PRRC2B: variants seen among roughly 807,000 people sequenced by gnomAD.
PRRC2B encodes proline rich coiled-coil 2B, also known as protein PRRC2B.
A neutral mutation model predicts 242.3 loss-of-function variants in PRRC2B; 68 were observed. The observed-to-expected ratio is 0.28, with a 90% CI of 0.23 to 0.34. PRRC2B has a LOEUF of 0.34. Ranked by LOEUF, PRRC2B falls within the 10% of genes least tolerant of loss-of-function variation. PRRC2B has a pLI of 1.00. For missense variants in PRRC2B, 2,835 were observed against 2,954.8 expected (o/e 0.96, Z 0.94); for synonymous variants, 1,228 against 1,173.6 (o/e 1.05, Z -0.95).
At chr9:131,443,321 A>G (rs1453787671) in intron 5 of PRRC2B, among the ~76,000 whole-genome samples, 2 of 147,194 alleles carry the variant, frequency 1.4e-5, no homozygotes, top group African/African-American at 5.0e-5. Context: ...TATTTTTAGT[A>G]TAGATGGGGT....
In PRRC2B at chr9:131,494,570, A is replaced by G; in HGVS notation, c.6555+84A>G. On this transcript the variant is annotated intron_variant, in intron 31 of 31. Transcript: ENST00000683519. The surrounding 1 kb of genome is among the most constrained non-coding windows in gnomAD (Gnocchi z 4.3). The stretch of plus-strand genomic sequence containing the variant: ...CAAAAGAGAAGGGACTGTCCAACCT[A>G]TCTGAGCGCCCCCTGTCTAAAGACA... The G allele has an allele frequency of 2.7e-6, 2 of 735,858 alleles. No homozygotes were observed. The highest frequency in any genetic ancestry group is 3.5e-5 in the South Asian group (2 of 57,422). 45.6% of individuals were successfully genotyped at this position (735,858 alleles called of 1,614,324 possible).
chr9:131,475,086 A>G lies in PRRC2B; in HGVS notation c.2957A>G (p.Asp986Gly). 6.2e-7 allele frequency: 1 copy of G among 1,611,318 alleles called. No homozygotes were observed. Among genetic ancestry groups the G allele is most frequent in the Non-Finnish European group, 8.5e-7 (1 of 1,178,762 alleles). The stretch of plus-strand genomic sequence containing the variant: ...GAGCAGAGCCCCACGGCAGAAAAGG[A>G]TGAGGACGAAGAGAACGATGCCTCT... Reference protein sequence around the residue: ...EKEQSPTAEKDEDEENDASLA... With the variant: ...EKEQSPTAEKGEDEENDASLA... The change falls in exon 16 of 32, where the codon GAT (aspartate) becomes GGT (glycine). Residue 986 changes from aspartate to glycine, a missense_variant. Around this residue, in one of 7 missense-constraint regions of PRRC2B, gnomAD observed 1,536 missense variants for 1,483.1 expected, o/e 1.04. Transcript: ENST00000683519.
At chr9:131,471,904 TC>T (rs1943557912) in intron 14 of PRRC2B, among the ~76,000 whole-genome samples, 1 of 152,246 alleles carries the variant, frequency 6.6e-6, no homozygotes, top group Admixed American at 6.5e-5. Context: ...CAAGTTTTTA[TC>T]CCTTTGACCA....
chr9:131,413,111 T>G (rs1837548092), intron 1 of PRRC2B, among the ~76,000 whole-genome samples: 4 of 152,234 alleles, frequency 2.6e-5, no homozygotes, highest in Admixed American at 2.6e-4. Flanking sequence ...GCTCCTACAA[T>G]TTAGCCTGAA....
chr9:131,494,265 A>C lies in PRRC2B; in HGVS notation c.6474-140A>C. The C allele has an allele frequency of 8.4e-6, 5 of 597,484 alleles. No homozygotes were observed. Among genetic ancestry groups the C allele is most frequent in the Non-Finnish European group, 1.2e-5 (4 of 334,014 alleles). The allele number at this position is 597,484 out of a possible 1,614,324, so 37.0% of individuals were successfully genotyped here. ...TAGGTCTGTGGTTGTTTTCCATCCA[A>C]GAGATCCACGGACCGTCCCGAGTGA... On this transcript the variant is annotated intron_variant, in intron 30 of 31. Transcript: ENST00000683519. The surrounding 1 kb of genome is among the most constrained non-coding windows in gnomAD (Gnocchi z 4.3).
At chr9:131,470,103 G>T (rs756129370) in intron 13 of PRRC2B, among the ~76,000 whole-genome samples, 1 of 152,168 alleles carries the variant, frequency 6.6e-6, no homozygotes, top group Middle Eastern at 3.2e-3. Flanking sequence ...GTGTGTTCCC[G>T]TGGCCTGAAG....
chr9:131,403,208 C>T (rs962991673), intron 1 of PRRC2B, among the ~76,000 whole-genome samples: 1 of 152,110 alleles, frequency 6.6e-6, no homozygotes, highest in African/African-American at 2.4e-5. Context: ...ACCGACCTGT[C>T]GGTGGACTGA....
chr9:131,435,613 TAAAAAAAAA>T (rs66831387), intron 3 of PRRC2B, among the ~76,000 whole-genome samples: 5 of 147,012 alleles, frequency 3.4e-5, no homozygotes, highest in South Asian at 2.1e-4. Flanking sequence ...AGACTCCATC[TAAAAAAAAA>T]AAAAAAAAAA....
upstream of PRRC2B, among the ~76,000 whole-genome samples, chr9:131,390,673 G>C (rs1367174877): frequency 6.7e-6 from 1 of 149,722 alleles, no homozygotes; most frequent in East Asian, 2.0e-4. Context: ...TAGTAGAGAT[G>C]GGGTTTCACC....
chr9:131,486,018 C>A, intron 25 of PRRC2B, 67 bp from the exon 26 acceptor site: 1 of 1,100,174 alleles, frequency 9.1e-7, no homozygotes, highest in Non-Finnish European at 1.4e-6. Context: ...GACTGTTTCC[C>A]TCAGGGACAT....
chr9:131,494,256 T>C lies in PRRC2B; in HGVS notation c.6474-149T>C, dbSNP rs1395677098. 11 of 595,628 alleles carry C rather than the reference T, an allele frequency of 1.8e-5. No individual in the cohort carries two copies. The highest frequency in any genetic ancestry group is 3.0e-5 in the Admixed American group (1 of 33,304). 36.9% of individuals were successfully genotyped at this position (595,628 alleles called of 1,614,324 possible). A position where few individuals can be genotyped will look rare whatever the true frequency, so the allele number is the denominator to read the frequency against. ...GGGCTGTCTTAGGTCTGTGGTTGTT[T>C]TCCATCCAAGAGATCCACGGACCGT... On this transcript the variant is annotated intron_variant, in intron 30 of 31. Coordinates refer to ENST00000683519, the MANE Select transcript of PRRC2B (RefSeq NM_013318.4). This position sits in a 1 kb window ranked among gnomAD's most constrained non-coding sequence, Gnocchi z 4.3.
chr9:131,443,034 A>C (rs1838654377), intron 5 of PRRC2B, among the ~76,000 whole-genome samples: 1 of 149,554 alleles, frequency 6.7e-6, no homozygotes. Context: ...ATGAGGAGTT[A>C]CTCATGTGTA....
chr9:131,473,844 G>C (rs189529653), intron 15 of PRRC2B, 120 bp downstream of exon 15: 2 of 699,074 alleles, frequency 2.9e-6, no homozygotes, highest in East Asian at 5.4e-5. Context: ...CGTGCTCCTT[G>C]AAGGGACTCC....
At position 131,482,958 on chromosome 9, in the gene PRRC2B, T is replaced by TA; in HGVS notation, c.5373+52dup. On this transcript the variant is annotated intron_variant, in intron 22 of 31. Coordinates refer to ENST00000683519, the MANE Select transcript of PRRC2B (RefSeq NM_013318.4). This position sits in a 1 kb window ranked among gnomAD's most constrained non-coding sequence, Gnocchi z 5.2. ...TTGCTTTTTTTACTTTTTATTTTGG[T>TA]ACTTGGAGAGGCTGGGGGCTCAGAT... 1 of 1,548,946 alleles carries TA rather than the reference T, an allele frequency of 6.5e-7. No homozygotes were observed.
At position 131,479,353 on chromosome 9, in the gene PRRC2B, C is replaced by T; in HGVS notation, c.4860C>T (p.Gly1620=). ...AGCAAGGTGACGTGACCGTGCCTGG[C>T]AGCAGCCTGGGCACTGAGATCTGGG... ...CLEQGDVTVP[G]SSLGTEIWES... The change falls in exon 19 of 32, where the codon GGC becomes GGT. Residue 1620 remains glycine, a synonymous_variant. Coordinates refer to ENST00000683519, the MANE Select transcript of PRRC2B (RefSeq NM_013318.4). The T allele has an allele frequency of 1.2e-6, 2 of 1,613,896 alleles. No homozygotes were observed. Among genetic ancestry groups the T allele is most frequent in the Non-Finnish European group, 1.7e-6 (2 of 1,179,834 alleles).
chr9:131,394,444 C>CT (rs1265652631), intron 1 of PRRC2B, among the ~76,000 whole-genome samples, 181 bp downstream of exon 1: 1 of 146,306 alleles, frequency 6.8e-6, no homozygotes, highest in African/African-American at 2.5e-5. Context: ...GGGCGCGGGG[C>CT]TGCGGGGCTG....
chr9:131,484,983 C>T lies in PRRC2B; in HGVS notation c.5601C>T (p.Pro1867=). The change falls in exon 25 of 32, where the codon CCC becomes CCT. Residue 1867 remains proline (P), a synonymous_variant. Transcript: ENST00000683519. ...ESARKAWENS[P]SLPEQSSPGG... The stretch of plus-strand genomic sequence containing the variant: ...CGCGCAAGGCTTGGGAAAACTCCCC[C>T]AGTTTGCCGGAGCAGAGCTCTCCAG... 6.2e-7 allele frequency: 1 copy of T among 1,613,464 alleles called. No individual in the cohort carries two copies. Among genetic ancestry groups the T allele is most frequent in the Non-Finnish European group, 8.5e-7 (1 of 1,179,586 alleles).
intron 10 of PRRC2B, among the ~76,000 whole-genome samples, chr9:131,457,502 G>T (rs1359585981): frequency 1.3e-5 from 2 of 152,148 alleles, no homozygotes; most frequent in African/African-American, 4.8e-5. Context: ...TTTTCTTCAT[G>T]TTCTCTGAGC....
chr9:131,476,398 T>G lies in PRRC2B; in HGVS notation c.4269T>G (p.Ser1423Arg), dbSNP rs941536471. 6.2e-7 allele frequency: 1 copy of G among 1,607,338 alleles called. No homozygotes were observed. Among genetic ancestry groups the G allele is most frequent in the Non-Finnish European group, 8.5e-7 (1 of 1,176,914 alleles). ...KKELAKRSFS[S>R]QRPVVDRQSR... is the part of the protein sequence containing the mutation. Reference sequence around the variant, plus strand: ...AGCTGGCCAAGAGGAGCTTCTCCAGTCAGAGACCCGTGGTTGACAGACAGA... The same window carrying G: ...AGCTGGCCAAGAGGAGCTTCTCCAGGCAGAGACCCGTGGTTGACAGACAGA... Residue 1423 changes from serine to arginine, a missense_variant, in exon 16 of 32, where the codon AGT becomes AGG. Physicochemically the swap from Ser to Arg is moderately radical, Grantham distance 110. Coordinates refer to ENST00000683519, the MANE Select transcript of PRRC2B (RefSeq NM_013318.4).
Sources: gnomAD v4.1 joint callset for allele counts (sites outside exome capture counted in the v4.1 genomes callset) on GRCh38, gnomAD v4.1.1 for gene constraint, gnomAD v4.1.1 regional missense constraint, Gnocchi (gnomAD v3.1) non-coding constraint, MANE v1.5 for transcripts, NCBI Gene and HGNC (gene_info 2026-07-23, HGNC 2026-07-21) for gene names.